Variants in ITGA8 observed in about 807,000 individuals in gnomAD.
The protein encoded by ITGA8 is integrin subunit alpha 8, also known as integrin alpha-8.
A neutral mutation model predicts 142.3 loss-of-function variants in ITGA8; 91 were observed. The ratio of observed to expected loss-of-function variants is 0.64; its 90% CI spans 0.54 to 0.76. ITGA8 has a LOEUF of 0.76. Ranked by LOEUF, ITGA8 falls within the 30% of genes least tolerant of loss-of-function variation. The pLI is 0.00. For synonymous variants in ITGA8, 505 were observed against 485.2 expected (o/e 1.04, Z -0.54); for missense variants, 1,406 against 1,327.7 (o/e 1.06, Z -0.92).
At chr10:15,529,257 G>C (rs1833243986) in intron 28 of ITGA8, among the ~76,000 whole-genome samples, 1 of 152,190 alleles carries the variant, frequency 6.6e-6, no homozygotes, top group Non-Finnish European at 1.5e-5. Context: ...AGCCAGAGAA[G>C]GGGAGACATT....
At chr10:15,669,504 C>A (rs1003223432) in intron 8 of ITGA8, among the ~76,000 whole-genome samples, 1 of 152,158 alleles carries the variant, frequency 6.6e-6, no homozygotes, top group Non-Finnish European at 1.5e-5. Context: ...CTTCTGAAGC[C>A]TTCTTCTCTC....
intron 26 of ITGA8, among the ~76,000 whole-genome samples, chr10:15,553,117 C>G (rs190940106): frequency 2.6e-5 from 4 of 152,192 alleles, no homozygotes; most frequent in Admixed American, 1.3e-4. Context: ...ATTAGCCGGG[C>G]ATGGTGGTGG....
intron 27 of ITGA8, among the ~76,000 whole-genome samples, chr10:15,535,801 A>C (rs918360327): frequency 2.0e-5 from 3 of 152,222 alleles, no homozygotes; most frequent in East Asian, 1.9e-4. Context: ...GTCCCCTTCC[A>C]CACTGTGGCA....
At chr10:15,604,154 C>T (rs1833151490) in intron 20 of ITGA8, 54 bp downstream of exon 20, 4 of 1,536,270 alleles carry the variant, frequency 2.6e-6, no homozygotes, top group Non-Finnish European at 2.7e-6. Flanking sequence ...TTAACATTTA[C>T]TTGACTTCAA....
chr10:15,607,874 A>G (rs1171113516), intron 16 of ITGA8, 43 bp from the exon 17 acceptor site: 1 of 1,514,648 alleles, frequency 6.6e-7, no homozygotes, highest in Non-Finnish European at 9.1e-7. Flanking sequence ...TTCAGTGAAC[A>G]CAGTGCTCTA....
In ITGA8 at chr10:15,698,580, T is replaced by A. The variant is rs183379261; in HGVS notation, c.344-10542A>T. Among the ~76,000 whole-genome samples the A allele has an allele frequency of 8.7e-4, 132 of 152,320 alleles. 1 individual carries two copies. Among genetic ancestry groups the A allele is most frequent in the East Asian group, 4.1e-3 (21 of 5,178 alleles). On this transcript the variant is annotated intron_variant, in intron 2 of 29. Coordinates refer to ENST00000378076, the MANE Select transcript of ITGA8 (RefSeq NM_003638.3). ...ACATCCACACCAACATCTATTTTTTTAAAATTTTTTAATTATAGCCATTCT... is the reference window on the plus strand; with the variant it reads ...ACATCCACACCAACATCTATTTTTTAAAAATTTTTTAATTATAGCCATTCT...
intron 25 of ITGA8, 46 bp downstream of exon 25, chr10:15,572,165 C>T (rs1834197344): frequency 8.3e-6 from 12 of 1,453,350 alleles, no homozygotes; most frequent in South Asian, 4.5e-5. Flanking sequence ...TTTTTCATAC[C>T]ATAAAAATAA....
chr10:15,606,855 C>T (rs778114828), intron 17 of ITGA8, among the ~76,000 whole-genome samples: 1 of 152,206 alleles, frequency 6.6e-6, no homozygotes, highest in Non-Finnish European at 1.5e-5. Context: ...CTCTTCCTCT[C>T]ATCATCTTTT....
intron 13 of ITGA8, among the ~76,000 whole-genome samples, chr10:15,629,432 T>C (rs537258253): frequency 6.6e-6 from 1 of 152,120 alleles, no homozygotes; most frequent in East Asian, 1.9e-4. Context: ...CCATTTCATC[T>C]ATGTTATCTT....
At chr10:15,548,700 C>A in intron 26 of ITGA8, 132 bp from the exon 27 acceptor site, 1 of 549,798 alleles carries the variant, frequency 1.8e-6, no homozygotes. Context: ...AAATAAAGAA[C>A]AATATATTGC....
chr10:15,567,177 T>C (rs1489090189), intron 25 of ITGA8, among the ~76,000 whole-genome samples: 1 of 149,176 alleles, frequency 6.7e-6, no homozygotes, highest in East Asian at 2.0e-4. Flanking sequence ...AAGAAAAAAA[T>C]AGAAAAAGAA....
chr10:15,564,949 C>T (rs1251000514), intron 25 of ITGA8, among the ~76,000 whole-genome samples: 1 of 151,914 alleles, frequency 6.6e-6, no homozygotes, highest in South Asian at 2.1e-4. Context: ...AAAGAAAACC[C>T]CCACTTTTTT....
intron 8 of ITGA8, among the ~76,000 whole-genome samples, chr10:15,663,197 G>A (rs2131674574): frequency 6.6e-6 from 1 of 152,154 alleles, no homozygotes; most frequent in Non-Finnish European, 1.5e-5. Flanking sequence ...GCACAGTCCT[G>A]GATTTGTAGT....
chr10:15,677,700 G>A, intron 5 of ITGA8, 63 bp from the exon 6 acceptor site: 1 of 1,504,846 alleles, frequency 6.6e-7, no homozygotes, highest in Non-Finnish European at 9.2e-7. Context: ...ATTTTTAAAG[G>A]GTGATAAATT....
rs777606698 is a variant in ITGA8 at position 15,531,153 on chromosome 10, TG to T, written c.2881-3del. 1 of 1,431,754 alleles carries T rather than the reference TG, an allele frequency of 7.0e-7. No individual in the cohort carries two copies. Among genetic ancestry groups the T allele is most frequent in the Non-Finnish European group, 9.4e-7 (1 of 1,067,124 alleles). 88.7% of individuals were successfully genotyped at this position (1,431,754 alleles called of 1,614,324 possible). ...AAGAGCATAGGGATCATTTTTTCTC[TG>T]AAAGTAAAAGTATTTATTTAAATAT... On this transcript the variant is annotated splice_region_variant and splice_polypyrimidine_tract_variant and intron_variant, in intron 27 of 29. Coordinates refer to ENST00000378076, the MANE Select transcript of ITGA8 (RefSeq NM_003638.3).
chr10:15,671,899 A>AAAAAG (rs1564402226), intron 7 of ITGA8, among the ~76,000 whole-genome samples: 2 of 148,026 alleles, frequency 1.4e-5, no homozygotes, highest in Admixed American at 6.7e-5. Flanking sequence ...AAAAAAAAAA[A>AAAAAG]GAGGGAGATA....
At chr10:15,631,059 T>C (rs1833676924) in intron 13 of ITGA8, among the ~76,000 whole-genome samples, 1 of 152,030 alleles carries the variant, frequency 6.6e-6, no homozygotes, top group Non-Finnish European at 1.5e-5. Flanking sequence ...TCCTTATAGA[T>C]TCTGGATATT....
chr10:15,589,800 TCACC>T (rs1832895313), intron 22 of ITGA8, among the ~76,000 whole-genome samples: 1 of 147,416 alleles, frequency 6.8e-6, no homozygotes, highest in Non-Finnish European at 1.5e-5. Flanking sequence ...TCTCACTCTA[TCACC>T]CTGACTGGAG....
At chr10:15,550,683 G>T (rs1833778762) in intron 26 of ITGA8, among the ~76,000 whole-genome samples, 1 of 152,210 alleles carries the variant, frequency 6.6e-6, no homozygotes, top group Non-Finnish European at 1.5e-5. Flanking sequence ...ACAGATGGAA[G>T]TAGGATAGCA....
Sources: allele counts gnomAD v4.1 joint callset (sites outside exome capture counted in the v4.1 genomes callset), GRCh38; gene constraint gnomAD v4.1.1; transcripts MANE v1.5; gene names NCBI Gene and HGNC (gene_info 2026-07-23, HGNC 2026-07-21).